The following PSD3 variants were observed in gnomAD, a reference collection of about 807,000 sequenced individuals.
PSD3 encodes the protein PH and SEC7 domain-containing protein 3.
Under a neutral mutation model 105.5 loss-of-function variants are expected in PSD3, and 49 were observed. The ratio of observed to expected loss-of-function variants is 0.46; its 90% confidence interval spans 0.37 to 0.59. The LOEUF (loss-of-function observed/expected upper bound fraction) is 0.59. Ranked by LOEUF, PSD3 falls within the 20% of genes least tolerant of loss-of-function variation. The pLI is 0.00. For missense variants in PSD3, 1,561 were observed against 1,263.8 expected, an observed-to-expected ratio of 1.24 and a Z score of -3.57; for synonymous variants, 557 against 457.8, an observed-to-expected ratio of 1.22 and a Z score of -2.77.
chr8:18,796,376 T>C (rs750635943), intron 8 of PSD3, among the ~76,000 whole-genome samples: 6 of 152,068 alleles, frequency 3.9e-5, no homozygotes, highest in Non-Finnish European at 1.5e-5. Flanking sequence ...TCCATGAACA[T>C]TGTCTCATTC....
intron 11 of PSD3, among the ~76,000 whole-genome samples, chr8:18,612,125 T>C (rs1280959587): frequency 6.6e-6 from 1 of 151,816 alleles, no homozygotes; most frequent in Non-Finnish European, 1.5e-5. Context: ...CAAAGCAGCC[T>C]TACATAAAAA....
chr8:18,895,754 G>A (rs978296068), intron 2 of PSD3, among the ~76,000 whole-genome samples: 2 of 152,170 alleles, frequency 1.3e-5, no homozygotes, highest in South Asian at 4.1e-4. Flanking sequence ...TCAAAGAACA[G>A]TAATTAGCAT....
At chr8:18,912,195 T>C (rs1291505491) in intron 2 of PSD3, among the ~76,000 whole-genome samples, 1 of 152,168 alleles carries the variant, frequency 6.6e-6, no homozygotes, top group African/African-American at 2.4e-5. Context: ...CATAATGAGA[T>C]TAAGATATAA....
At chr8:18,975,317 T>TAA (rs1563479139) in intron 1 of PSD3, among the ~76,000 whole-genome samples, 40,540 of 131,002 alleles carry the variant, frequency 0.31, 5,712 homozygotes, top group Non-Finnish European at 0.39. Flanking sequence ...TTCTGAAATT[T>TAA]TTTTTTTTTT....
rs1420125714 is a variant in PSD3 at position 18,531,040 on chromosome 8, TTA to T, written c.*4701_*4702del. 6.6e-6 allele frequency: 1 copy of T among 152,152 alleles called. No homozygotes were observed. Among genetic ancestry groups the T allele is most frequent in the Non-Finnish European group, 1.5e-5 (1 of 68,026 alleles). 9.4% of individuals were successfully genotyped at this position (152,152 alleles called of 1,614,324 possible). A position where few individuals can be genotyped will look rare whatever the true frequency, so the allele number is the denominator to read the frequency against. On this transcript the variant is annotated 3_prime_UTR_variant, in exon 16 of 16. Transcript: ENST00000327040. ...ATATGCAATCTACACACTGATGCAT[TTA>T]CATACATACAACTATAAATACCCAC...
chr8:18,567,599 A>G (rs1801872921), intron 14 of PSD3, among the ~76,000 whole-genome samples: 1 of 152,214 alleles, frequency 6.6e-6, no homozygotes, highest in African/African-American at 2.4e-5. Flanking sequence ...ATATATGTTA[A>G]TGATAATTAT....
chr8:18,621,432 G>A (rs1806102315), intron 11 of PSD3, among the ~76,000 whole-genome samples: 2 of 152,164 alleles, frequency 1.3e-5, no homozygotes, highest in Non-Finnish European at 2.9e-5. Context: ...TGCTCCTGAT[G>A]AGAATGATGG....
At chr8:18,948,688 A>G (rs190099825) in intron 1 of PSD3, among the ~76,000 whole-genome samples, 87 of 152,348 alleles carry the variant, frequency 5.7e-4, no homozygotes, top group Middle Eastern at 6.8e-3. Flanking sequence ...TTGCATAAGC[A>G]TCAGCCTTAG....
rs185209968 is a variant in PSD3 at position 18,917,850 on chromosome 8, A to G, written c.130+18184T>C. 1.5e-3 allele frequency among the ~76,000 whole-genome samples: 227 copies of G among 152,300 alleles called. 5 individuals are homozygous for G. In the Middle Eastern group the frequency reaches 0.02, roughly 14 times the overall value. The stretch of plus-strand genomic sequence containing the variant: ...GGAACCAACATACAAGCTGTGAATC[A>G]TCTATCTGGATTCCTTTCATGGAAG... On this transcript the variant is annotated intron_variant, in intron 2 of 15. Coordinates refer to ENST00000327040, the MANE Select transcript of PSD3 (RefSeq NM_015310.4).
intron 8 of PSD3, among the ~76,000 whole-genome samples, chr8:18,767,222 G>A (rs905345333): frequency 2.0e-5 from 3 of 152,278 alleles, no homozygotes; most frequent in African/African-American, 7.2e-5. Flanking sequence ...AAAGAGCAAA[G>A]ATATAAACAA....
intron 9 of PSD3, among the ~76,000 whole-genome samples, chr8:18,695,515 G>A (rs957004583): frequency 5.3e-5 from 8 of 151,940 alleles, no homozygotes; most frequent in African/African-American, 1.9e-4. Flanking sequence ...CCCCTTAAGG[G>A]GCATTTTTAT....
At chr8:18,786,687 A>G (rs1474884274) in intron 8 of PSD3, 1 of 152,232 alleles carries the variant, frequency 6.6e-6, no homozygotes, top group African/African-American at 2.4e-5. Flanking sequence ...ATCATCCAAT[A>G]GACTGTACCT....
At chr8:18,738,145 A>G (rs1804292102) in intron 9 of PSD3, among the ~76,000 whole-genome samples, 1 of 152,192 alleles carries the variant, frequency 6.6e-6, no homozygotes, top group African/African-American at 2.4e-5. Context: ...TGTTAATTCC[A>G]CAGCTCAGCC....
intron 1 of PSD3, among the ~76,000 whole-genome samples, chr8:19,004,197 T>A (rs1270176705): frequency 6.6e-6 from 1 of 152,076 alleles, no homozygotes; most frequent in South Asian, 2.1e-4. Flanking sequence ...CTATTTTCTA[T>A]ACATAAAAGT....
At chr8:18,647,235 T>C (rs114111241) in intron 10 of PSD3, among the ~76,000 whole-genome samples, 49 of 152,326 alleles carry the variant, frequency 3.2e-4, no homozygotes, top group African/African-American at 9.9e-4. Flanking sequence ...CTACAAACTG[T>C]TGGTATTTAA....
intron 10 of PSD3, among the ~76,000 whole-genome samples, chr8:18,652,480 A>T (rs1331821140): frequency 6.8e-6 from 1 of 147,300 alleles, no homozygotes; most frequent in Non-Finnish European, 1.5e-5. Context: ...ACTTTTATCA[A>T]GGAAAAAGCT....
At chr8:18,536,135 A>C (rs974222311) in intron 15 of PSD3, among the ~76,000 whole-genome samples, 177 bp from the exon 16 acceptor site, 8 of 152,234 alleles carry the variant, frequency 5.3e-5, no homozygotes, top group Non-Finnish European at 8.8e-5. Context: ...AACTACAGAG[A>C]CTGTCTTATG....
At chr8:19,034,669 G>A (rs919473464) in intron 1 of PSD3, among the ~76,000 whole-genome samples, 1 of 152,174 alleles carries the variant, frequency 6.6e-6, no homozygotes, top group African/African-American at 2.4e-5. Context: ...AGAGTGGTTA[G>A]GTAGCCAGAC....
chr8:19,003,359 G>T (rs906297565), intron 1 of PSD3, among the ~76,000 whole-genome samples: 7 of 151,828 alleles, frequency 4.6e-5, no homozygotes, highest in Non-Finnish European at 7.4e-5. Context: ...TCCAGCCTGG[G>T]CAACTGAGCA....
Sources: gnomAD v4.1 joint callset for allele counts (sites outside exome capture counted in the v4.1 genomes callset) on GRCh38, gnomAD v4.1.1 for gene constraint, MANE v1.5 for transcripts, NCBI Gene and HGNC (gene_info 2026-07-23, HGNC 2026-07-21) for gene names.